Variants in RNF43 observed in about 807,000 individuals in gnomAD.
The protein encoded by RNF43 is ring finger protein 43, also known as E3 ubiquitin-protein ligase RNF43.
In RNF43, 37 loss-of-function variants were observed where a neutral mutation model predicts 78.4. The observed-to-expected ratio is 0.47, with a 90% CI of 0.36 to 0.62. RNF43 has a LOEUF of 0.62. RNF43 is among the 20% of genes least tolerant of loss of function. The pLI is 0.00. For missense variants in RNF43, 774 were observed against 1,007.9 expected, an observed-to-expected ratio of 0.77 and a Z score of 3.14; for synonymous variants, 347 against 395.0, an observed-to-expected ratio of 0.88 and a Z score of 1.44.
rs201947849 is a variant in RNF43, at chr17:58,355,019, T to C, written c.2309-33A>G. The C allele has an allele frequency of 1.1e-5, 17 of 1,603,824 alleles. No homozygotes were observed. In the African/African-American group the frequency reaches 1.7e-4, roughly 16 times the overall value. ...TAGAGAGCGGGGAGGAAAGAGGTCATTGAGGGTCAGGCCAGGGACCTGCTT... is the reference window on the plus strand; with the variant it reads ...TAGAGAGCGGGGAGGAAAGAGGTCACTGAGGGTCAGGCCAGGGACCTGCTT... On this transcript the variant is annotated intron_variant, in intron 9 of 9. Transcript: ENST00000407977.
At chr17:58,416,465 T>A (rs1343906834) in intron 1 of RNF43, 4 of 152,214 alleles carry the variant, frequency 2.6e-5, no homozygotes, top group African/African-American at 9.7e-5. Context: ...CATATTTCCA[T>A]CTCCATTTTC....
chr17:58,367,236 TGA>T, intron 3 of RNF43, among the ~76,000 whole-genome samples: 1 of 152,026 alleles, frequency 6.6e-6, no homozygotes, highest in East Asian at 1.9e-4. Flanking sequence ...CCTGACCTCG[TGA>T]TCCACCTGCC....
At chr17:58,361,611 G>A (rs192045839) in intron 6 of RNF43, among the ~76,000 whole-genome samples, 75 of 152,190 alleles carry the variant, frequency 4.9e-4, no homozygotes, top group Admixed American at 3.3e-3. Flanking sequence ...CAGTCAGATC[G>A]TGATGCCCTT....
At chr17:58,369,097 A>G (rs936411434) in intron 3 of RNF43, among the ~76,000 whole-genome samples, 5 of 152,102 alleles carry the variant, frequency 3.3e-5, no homozygotes, top group African/African-American at 4.8e-5. Context: ...ACACACGCAC[A>G]CACACACACA....
intron 6 of RNF43, among the ~76,000 whole-genome samples, chr17:58,361,637 C>T (rs531148681): frequency 6.6e-6 from 1 of 152,280 alleles, no homozygotes; most frequent in South Asian, 2.1e-4. Flanking sequence ...CACAACACTC[C>T]AGTGGCTCCT....
chr17:58,367,676 G>C (rs534388647), intron 3 of RNF43, among the ~76,000 whole-genome samples: 39 of 152,314 alleles, frequency 2.6e-4, no homozygotes, highest in African/African-American at 9.4e-4. Context: ...TGCTAATAAA[G>C]AAACAGAAAC....
chr17:58,364,754 G>A (rs1336570104), intron 3 of RNF43, among the ~76,000 whole-genome samples: 1 of 152,270 alleles, frequency 6.6e-6, no homozygotes, highest in African/African-American at 2.4e-5. Context: ...CCTCCTGCAA[G>A]TAGTGGTGGC....
At chr17:58,371,098 T>C (rs564894697) in intron 2 of RNF43, 65 bp from the exon 3 acceptor site, 1 of 1,431,070 alleles carries the variant, frequency 7.0e-7, no homozygotes, top group East Asian at 2.4e-5. Flanking sequence ...GTGAGAGCCA[T>C]ATACCTCTCC....
chr17:58,378,629 T>G (rs1021729616), intron 2 of RNF43, among the ~76,000 whole-genome samples: 2 of 152,066 alleles, frequency 1.3e-5, no homozygotes, highest in African/African-American at 4.8e-5. Flanking sequence ...ATAATGTTGG[T>G]GGGGAGGGAG....
chr17:58,352,675 A>C, downstream of RNF43: 1 of 208,522 alleles, frequency 4.8e-6, no homozygotes, highest in Non-Finnish European at 9.8e-6. Context: ...CTCCTTCCTA[A>C]CTGCGAGAGC....
At chr17:58,383,687 G>A (rs376466725) in intron 2 of RNF43, among the ~76,000 whole-genome samples, 1 of 151,896 alleles carries the variant, frequency 6.6e-6, no homozygotes, top group Non-Finnish European at 1.5e-5. Context: ...GCGTGATCTC[G>A]GCTCACTGCA....
In RNF43 at chr17:58,357,478, C is replaced by T. The variant is rs1203633419; in HGVS notation, c.2298G>A (p.Ser766=). 6 of 1,614,106 alleles carry T rather than the reference C, an allele frequency of 3.7e-6. No individual in the cohort carries two copies. Among genetic ancestry groups the T allele is most frequent in the African/African-American group, 1.3e-5 (1 of 74,944 alleles). The part of the protein sequence containing the change: ...PCPYPHCQVL[S]AQPGSEEELE... ...CCTCTGAAAACTCACCAGGCTGGGC[C>T]GACAGCACCTGGCAGTGCGGATAAG... The change falls in exon 9 of 10, where the codon TCG becomes TCA. Residue 766 remains serine (S), a synonymous_variant. Transcript: ENST00000407977. The surrounding 1 kb of genome is among the most constrained non-coding windows in gnomAD (Gnocchi z 4.5).
At chr17:58,399,973 T>G (rs1973761663) in intron 2 of RNF43, among the ~76,000 whole-genome samples, 1 of 151,988 alleles carries the variant, frequency 6.6e-6, no homozygotes, top group Non-Finnish European at 1.5e-5. Flanking sequence ...CTCTAAATTT[T>G]CAAAAAGGGA....
chr17:58,384,170 TAGTA>T (rs1468878897), intron 2 of RNF43, among the ~76,000 whole-genome samples: 2 of 152,254 alleles, frequency 1.3e-5, no homozygotes, highest in Admixed American at 1.3e-4. Context: ...TAAGCGCAAA[TAGTA>T]AGAGACACAA....
intron 2 of RNF43, among the ~76,000 whole-genome samples, chr17:58,382,885 C>T (rs1973351632): frequency 6.6e-6 from 1 of 152,210 alleles, no homozygotes; most frequent in Non-Finnish European, 1.5e-5. Context: ...CTTGCTCTTG[C>T]TGTATGGCTT....
intron 2 of RNF43, among the ~76,000 whole-genome samples, chr17:58,375,673 G>A (rs1018309724): frequency 2.6e-5 from 4 of 152,204 alleles, no homozygotes; most frequent in African/African-American, 4.8e-5. Flanking sequence ...TCTGGGAGAG[G>A]AATTAGAGAG....
At chr17:58,356,965 C>T (rs1334912379) in intron 9 of RNF43, 4 of 424,080 alleles carry the variant, frequency 9.4e-6, no homozygotes, top group Non-Finnish European at 1.7e-5. Context: ...GCCATCTTGG[C>T]TCACTGCAAC....
chr17:58,364,694 CT>C (rs906062334), intron 3 of RNF43, among the ~76,000 whole-genome samples: 1 of 152,210 alleles, frequency 6.6e-6, no homozygotes, highest in Non-Finnish European at 1.5e-5. Context: ...ACCGCCCCCC[CT>C]CACCCCCAAA....
At chr17:58,374,521 T>C (rs1158116069) in intron 2 of RNF43, among the ~76,000 whole-genome samples, 1 of 151,964 alleles carries the variant, frequency 6.6e-6, no homozygotes, top group African/African-American at 2.4e-5. Flanking sequence ...GCCTCCCAAG[T>C]AGCTGGGACT....
Sources: gnomAD v4.1 joint callset for allele counts (sites outside exome capture counted in the v4.1 genomes callset) on GRCh38, gnomAD v4.1.1 for gene constraint, Gnocchi (gnomAD v3.1) non-coding constraint, MANE v1.5 for transcripts, NCBI Gene and HGNC (gene_info 2026-07-23, HGNC 2026-07-21) for gene names.